Variants in SIPA1L3 observed in about 807,000 individuals in gnomAD.
The protein encoded by SIPA1L3 is signal-induced proliferation-associated 1-like protein 3.
SIPA1L3 carries 59 observed loss-of-function variants against 150.1 expected under a neutral mutation model. The observed-to-expected ratio is 0.39, with a 90% CI of 0.32 to 0.49. SIPA1L3 has a LOEUF of 0.49. Among genes scored for constraint, SIPA1L3 ranks in the 20% least tolerant of loss-of-function variants. The probability of loss-of-function intolerance (pLI) is 0.86; values close to 1 mark genes in which losing one functional copy is unlikely to be tolerated. For synonymous variants in SIPA1L3, 1,070 were observed against 1,077.6 expected, an observed-to-expected ratio of 0.99 and a Z score of 0.14; for missense variants, 2,211 against 2,489.5, an observed-to-expected ratio of 0.89 and a Z score of 2.38.
intron 13 of SIPA1L3, among the ~76,000 whole-genome samples, chr19:38,160,131 C>T (rs2145975684): frequency 6.6e-6 from 1 of 152,024 alleles, no homozygotes; most frequent in South Asian, 2.1e-4. Flanking sequence ...CCTACCTCAG[C>T]CTCCCGAGTA....
At chr19:37,997,776 G>T (rs1967676705) in intron 1 of SIPA1L3, among the ~76,000 whole-genome samples, 1 of 150,064 alleles carries the variant, frequency 6.7e-6, no homozygotes, top group Non-Finnish European at 1.5e-5. Flanking sequence ...TGAGGCGGGA[G>T]AATCGCTTGA....
intron 2 of SIPA1L3, among the ~76,000 whole-genome samples, chr19:38,039,591 G>C (rs1244272148): frequency 6.6e-6 from 1 of 151,556 alleles, no homozygotes; most frequent in East Asian, 1.9e-4. Flanking sequence ...CTACTCAGGA[G>C]GCTGAGGCAG....
At chr19:38,053,004 T>C (rs1405913652) in intron 2 of SIPA1L3, among the ~76,000 whole-genome samples, 3 of 152,216 alleles carry the variant, frequency 2.0e-5, no homozygotes, top group Non-Finnish European at 2.9e-5. Flanking sequence ...TGGGCCACAC[T>C]AGAGGCCAGA....
intron 2 of SIPA1L3, among the ~76,000 whole-genome samples, chr19:38,077,332 TC>T (rs1969859933): frequency 6.6e-6 from 1 of 152,052 alleles, no homozygotes; most frequent in African/African-American, 2.4e-5. Flanking sequence ...GCATCTGTAG[TC>T]CTAGCTACTC....
chr19:38,049,254 A>G (rs1205410045), intron 2 of SIPA1L3, among the ~76,000 whole-genome samples: 4 of 152,100 alleles, frequency 2.6e-5, no homozygotes, highest in Non-Finnish European at 4.4e-5. Flanking sequence ...CCAGTCTGAA[A>G]TATTTCCGGT....
In SIPA1L3 at chr19:38,193,650, C is replaced by T. The variant is rs111523350; in HGVS notation, c.4710C>T (p.Asp1570=). 1,090 of 1,579,814 alleles carry T rather than the reference C, an allele frequency of 6.9e-4. 7 individuals carry two copies. In the East Asian group the frequency reaches 8.5e-3, roughly 12 times the overall value. ...GCCTAGAGCCAGGGCTGCCCAGCGA[C>T]GTGCTCTTCACCAGCACCTGCGCCT... ...PAGLEPGLPS[D]VLFTSTCAFP... Residue 1570 remains aspartate (D), a synonymous_variant, in exon 18 of 22, where the codon GAC becomes GAT. Transcript: ENST00000222345.
intron 1 of SIPA1L3, among the ~76,000 whole-genome samples, chr19:37,940,977 C>A (rs1030524546): frequency 6.6e-6 from 1 of 151,962 alleles, no homozygotes; most frequent in African/African-American, 2.4e-5. Context: ...CCGATCATAT[C>A]CCTGTTGCAG....
intron 1 of SIPA1L3, among the ~76,000 whole-genome samples, chr19:37,971,793 C>G (rs973600421): frequency 6.6e-5 from 10 of 152,186 alleles, no homozygotes; most frequent in Admixed American, 5.9e-4. Flanking sequence ...TCTCGAACTC[C>G]TGAGCTCAGG....
At chr19:38,176,531 G>A (rs1972438973) in intron 15 of SIPA1L3, among the ~76,000 whole-genome samples, 1 of 151,814 alleles carries the variant, frequency 6.6e-6, no homozygotes, top group Admixed American at 6.6e-5. Flanking sequence ...CAAGTAGCTG[G>A]GACTACAGGC....
At chr19:37,910,630 A>C (rs1207519828) in intron 1 of SIPA1L3, among the ~76,000 whole-genome samples, 18 of 151,894 alleles carry the variant, frequency 1.2e-4, no homozygotes, top group Admixed American at 1.2e-3. Flanking sequence ...TTTTAGACAG[A>C]GTCTTGCTCT....
intron 9 of SIPA1L3, among the ~76,000 whole-genome samples, chr19:38,130,023 T>C (rs1600110515): frequency 1.3e-5 from 2 of 151,664 alleles, no homozygotes; most frequent in South Asian, 4.2e-4. Context: ...GCTGAGATCA[T>C]GCCGCTGCAC....
At chr19:38,168,170 T>A (rs1416338442) in intron 15 of SIPA1L3, among the ~76,000 whole-genome samples, 2 of 152,128 alleles carry the variant, frequency 1.3e-5, no homozygotes, top group Non-Finnish European at 2.9e-5. Context: ...GCGGATCACC[T>A]GAGGTCAGGA....
chr19:38,077,606 C>G lies in SIPA1L3; in HGVS notation c.-310-3650C>G, dbSNP rs117034405. Among the ~76,000 whole-genome samples, 120 of 148,966 alleles carry G rather than the reference C, an allele frequency of 8.1e-4. 3 individuals carry two copies. In the East Asian group the frequency reaches 0.018, roughly 22 times the overall value. ...TTTTTGAAAATTCTTCCGATCATCTCTGCATGATAGTTTGTTGTTGTTTCT... is the reference window on the plus strand; with the variant it reads ...TTTTTGAAAATTCTTCCGATCATCTGTGCATGATAGTTTGTTGTTGTTTCT... On this transcript the variant is annotated intron_variant, in intron 2 of 21. Transcript: ENST00000222345.
chr19:38,063,306 G>C (rs551393219), intron 2 of SIPA1L3, among the ~76,000 whole-genome samples: 1 of 151,468 alleles, frequency 6.6e-6, no homozygotes, highest in Non-Finnish European at 1.5e-5. Context: ...GCCTTCCCAC[G>C]GCAGGGAGCC....
intron 4 of SIPA1L3, 91 bp from the exon 5 acceptor site, chr19:38,099,869 CAT>C (rs1301458836): frequency 1.6e-5 from 17 of 1,084,044 alleles, no homozygotes; most frequent in Middle Eastern, 2.1e-4. Flanking sequence ...AATCATCACA[CAT>C]GTCTCTTTCA....
At chr19:37,931,309 T>C (rs8110417) in intron 1 of SIPA1L3, among the ~76,000 whole-genome samples, 124,978 of 151,796 alleles carry the variant, frequency 0.82, 51,993 homozygotes, top group African/African-American at 0.94. Flanking sequence ...GCTAGGAGTT[T>C]AAGACCAGCC....
intron 2 of SIPA1L3, among the ~76,000 whole-genome samples, chr19:38,072,136 T>C (rs1042025889): frequency 6.6e-6 from 1 of 152,224 alleles, no homozygotes; most frequent in African/African-American, 2.4e-5. Context: ...AAGAAGGGGC[T>C]GGGGTTGAGT....
At chr19:38,077,251 T>G (rs113836357) in intron 2 of SIPA1L3, among the ~76,000 whole-genome samples, 24,439 of 151,806 alleles carry the variant, frequency 0.16, 2,097 homozygotes, top group African/African-American at 0.22. Context: ...AGGAGTTTGA[T>G]ACCAGCCTGG....
chr19:38,172,573 G>A (rs1972351569), intron 15 of SIPA1L3, among the ~76,000 whole-genome samples: 2 of 152,130 alleles, frequency 1.3e-5, no homozygotes, highest in African/African-American at 2.4e-5. Context: ...CCAGGCAGTG[G>A]AAACAGTAGA....
Sources: allele counts gnomAD v4.1 joint callset (sites outside exome capture counted in the v4.1 genomes callset), GRCh38; gene constraint gnomAD v4.1.1; transcripts MANE v1.5; gene names NCBI Gene and HGNC (gene_info 2026-07-23, HGNC 2026-07-21).